The following ATXN7L1 variants were observed in gnomAD, a reference collection of about 807,000 sequenced individuals.
ATXN7L1 encodes ataxin-7-like protein 1.
Under a neutral mutation model 70.8 loss-of-function variants are expected in ATXN7L1, and 15 were observed. The observed-to-expected ratio is 0.21, with a 90% CI of 0.14 to 0.33. The LOEUF (loss-of-function observed/expected upper bound fraction) is 0.33. ATXN7L1 is among the 10% of genes least tolerant of loss of function. The pLI is 1.00. For synonymous variants in ATXN7L1, 440 were observed against 445.1 expected, an observed-to-expected ratio of 0.99 and a Z score of 0.14; for missense variants, 975 against 1,097.1, an observed-to-expected ratio of 0.89 and a Z score of 1.57.
chr7:105,620,297 T>G lies in ATXN7L1; in HGVS notation c.1420A>C (p.Met474Leu). ...TCAAACACATAGTACCCTCGTCCCATGAGGCGACTCCCAAATGAGCAAAAC... is the reference window on the plus strand; with the variant it reads ...TCAAACACATAGTACCCTCGTCCCAGGAGGCGACTCCCAAATGAGCAAAAC... ...LAFCSFGSRL[M>L]GRGYYVFDRR... Residue 474 changes from methionine to leucine, a missense_variant, in exon 9 of 12, where the codon ATG becomes CTG. By Grantham distance (15) the Met-to-Leu change is conservative. This residue lies in a region of ATXN7L1 where 635 missense variants were observed against 699.4 expected (regional missense o/e 0.91). Coordinates refer to ENST00000419735, the MANE Select transcript of ATXN7L1 (RefSeq NM_020725.2). The G allele has an allele frequency of 6.5e-7, 1 of 1,550,372 alleles. No individual in the cohort carries two copies. Among genetic ancestry groups the G allele is most frequent in the Non-Finnish European group, 8.7e-7 (1 of 1,146,578 alleles).
Position 105,876,416 on chromosome 7 carries a change from G to C in ATXN7L1, c.143C>G (p.Ser48Cys). 6.2e-7 allele frequency: 1 copy of C among 1,612,558 alleles called. No homozygotes were observed. The highest frequency in any genetic ancestry group is 8.5e-7 in the Non-Finnish European group (1 of 1,179,294). Residue 48 changes from serine (S) to cysteine (C), a missense_variant, in exon 1 of 12, where the codon TCC becomes TGC. This residue lies in a region of ATXN7L1 where 135 missense variants were observed against 132.6 expected (regional missense o/e 1.02). Transcript: ENST00000419735. ...SPEAFLGKPWSSWIDAAKLHC... is the reference protein window; with the variant it reads ...SPEAFLGKPWCSWIDAAKLHC... ...TAATTTGGCGGCGTCGATCCAGGAG[G>C]ACCAGGGTTTGCCCAGAAACGCCTC...
intron 3 of ATXN7L1, among the ~76,000 whole-genome samples, chr7:105,704,428 C>G (rs566545911): frequency 6.6e-6 from 1 of 152,184 alleles, no homozygotes; most frequent in East Asian, 1.9e-4. Context: ...CTGTTCTTTG[C>G]CCTGATTAAG....
Position 105,665,264 on chromosome 7 carries a change from C to G in ATXN7L1, c.380G>C (p.Arg127Thr), listed in dbSNP as rs1447602032. The G allele has an allele frequency of 2.6e-6, 4 of 1,551,382 alleles. No homozygotes were observed. Among genetic ancestry groups the G allele is most frequent in the Non-Finnish European group, 3.5e-6 (4 of 1,146,950 alleles). The change falls in exon 4 of 12, where the codon AGA becomes ACA. Residue 127 changes from arginine to threonine, a missense_variant. Coordinates refer to ENST00000419735, the MANE Select transcript of ATXN7L1 (RefSeq NM_020725.2). ...TGGAGACACTGGAGAGGGAGAAGGT[C>G]TACACATTGAACCGTGTCTTCTCTC... ...HCERRHGSMCRPSPSPVSPAS... is the reference protein window; with the variant it reads ...HCERRHGSMCTPSPSPVSPAS...
chr7:105,616,691 G>A (rs954438350), intron 9 of ATXN7L1, among the ~76,000 whole-genome samples: 14 of 152,332 alleles, frequency 9.2e-5, no homozygotes, highest in African/African-American at 3.1e-4. Flanking sequence ...CAGGAACTAT[G>A]CATGGTGGGC....
intron 2 of ATXN7L1, among the ~76,000 whole-genome samples, chr7:105,856,479 G>T (rs760320925): frequency 1.3e-5 from 2 of 151,674 alleles, no homozygotes; most frequent in Non-Finnish European, 2.9e-5. Context: ...CCAGATACTC[G>T]GGAGGCTGAG....
chr7:105,641,337 T>C (rs199590747), intron 5 of ATXN7L1, among the ~76,000 whole-genome samples: 3 of 149,076 alleles, frequency 2.0e-5, no homozygotes, highest in East Asian at 2.0e-4. Flanking sequence ...TGTTTTTTTT[T>C]TGGGTCTGTC....
At chr7:105,689,730 C>A (rs1790501221) in intron 3 of ATXN7L1, among the ~76,000 whole-genome samples, 1 of 152,224 alleles carries the variant, frequency 6.6e-6, no homozygotes, top group South Asian at 2.1e-4. Flanking sequence ...AGTCCCTTAG[C>A]ATCGTGTCAT....
At chr7:105,814,247 G>A (rs571658451) in intron 2 of ATXN7L1, among the ~76,000 whole-genome samples, 107 of 152,276 alleles carry the variant, frequency 7.0e-4, no homozygotes, top group Non-Finnish European at 1.4e-3. Flanking sequence ...ATGGCCCCCT[G>A]AAATTGACTT....
chr7:105,620,732 T>C (rs529005272), intron 8 of ATXN7L1, among the ~76,000 whole-genome samples: 1 of 151,952 alleles, frequency 6.6e-6, no homozygotes, highest in South Asian at 2.1e-4. Flanking sequence ...CCGTTTCTAC[T>C]AAAAATACAA....
At position 105,662,023 on chromosome 7, in the gene ATXN7L1, TTTCTTTCCTTCCTTCCTTCCTTCCTTCC is replaced by T. The variant is rs869232995; in HGVS notation, c.578+3015_578+3042del. On this transcript the variant is annotated intron_variant, in intron 4 of 11. Coordinates refer to ENST00000419735, the MANE Select transcript of ATXN7L1 (RefSeq NM_020725.2). ...TTAGATTCTTTCTTTTCTTTCTTTC[TTTCTTTCCTTCCTTCCTTCCTTCCTTCC>T]TTCCTTCCTTCCTTCCTTCCTTCCT... Among the ~76,000 whole-genome samples, 271 of 65,518 alleles carry T rather than the reference TTTCTTTCCTTCCTTCCTTCCTTCCTTCC, an allele frequency of 4.1e-3. 1 individual carries two copies. Among genetic ancestry groups the T allele is most frequent in the African/African-American group, 0.01 (232 of 22,170 alleles). 43.0% of individuals were successfully genotyped at this position (65,518 alleles called of 152,430 possible).
rs568648575 is a variant in ATXN7L1, at chr7:105,862,677, G to C, written c.250+13135C>G. ...GAGGGGACAGCACTGAGGAGGAAAG[G>C]ACTGTCAAGGACTCTTCTGGTCTGT... On this transcript the variant is annotated intron_variant, in intron 2 of 11. Transcript: ENST00000419735. Among the ~76,000 whole-genome samples, 4 of 152,314 alleles carry C rather than the reference G, an allele frequency of 2.6e-5. No homozygotes were observed. In the South Asian group the frequency reaches 6.2e-4, roughly 24 times the overall value.
chr7:105,748,390 G>A (rs879793729), intron 3 of ATXN7L1, among the ~76,000 whole-genome samples: 1 of 152,256 alleles, frequency 6.6e-6, no homozygotes. Flanking sequence ...AGTAGGTCCC[G>A]AGTTGCTCTA....
At chr7:105,669,206 T>C (rs1449394009) in intron 3 of ATXN7L1, among the ~76,000 whole-genome samples, 3 of 152,162 alleles carry the variant, frequency 2.0e-5, no homozygotes, top group Non-Finnish European at 4.4e-5. Flanking sequence ...CTCAGCCTCC[T>C]GAGTAGCTGC....
At chr7:105,678,429 C>T (rs562450196) in intron 3 of ATXN7L1, among the ~76,000 whole-genome samples, 7 of 152,256 alleles carry the variant, frequency 4.6e-5, no homozygotes, top group African/African-American at 1.4e-4. Flanking sequence ...CCCGTCAGTC[C>T]ACCTGTGGGC....
intron 3 of ATXN7L1, among the ~76,000 whole-genome samples, chr7:105,690,961 T>C (rs761468532): frequency 9.2e-5 from 14 of 152,212 alleles, no homozygotes; most frequent in South Asian, 4.1e-4. Flanking sequence ...AGATAAAGCA[T>C]GAGCCCATAT....
At position 105,876,458 on chromosome 7, in the gene ATXN7L1, C is replaced by T. The variant is rs866526596; in HGVS notation, c.101G>A (p.Arg34His). The T allele has an allele frequency of 6.2e-7, 1 of 1,613,744 alleles. No homozygotes were observed. Among genetic ancestry groups the T allele is most frequent in the African/African-American group, 1.3e-5 (1 of 74,896 alleles). The change falls in exon 1 of 12, where the codon CGC becomes CAC. Residue 34 changes from arginine to histidine, a missense_variant. Transcript: ENST00000419735. ...AAACGCCTCCGGACTGGGCACTTTGCGATCCAGTGTCGCCATTGCTCTTCC... is the reference window on the plus strand; with the variant it reads ...AAACGCCTCCGGACTGGGCACTTTGTGATCCAGTGTCGCCATTGCTCTTCC... The part of the protein sequence containing the change: ...QEGRAMATLD[R>H]KVPSPEAFLG...
At chr7:105,639,186 T>C (rs1280246666) in intron 6 of ATXN7L1, among the ~76,000 whole-genome samples, 3 of 152,150 alleles carry the variant, frequency 2.0e-5, no homozygotes, top group Non-Finnish European at 4.4e-5. Flanking sequence ...CCTGCATACA[T>C]TAAAACGTAG....
Position 105,867,490 on chromosome 7 carries a change from C to T in ATXN7L1, c.250+8322G>A, listed in dbSNP as rs189930259. 1.5e-3 allele frequency among the ~76,000 whole-genome samples: 233 copies of T among 152,288 alleles called. 1 individual carries two copies. Among genetic ancestry groups the T allele is most frequent in the Non-Finnish European group, 2.5e-3 (171 of 68,026 alleles). On this transcript the variant is annotated intron_variant, in intron 2 of 11. Transcript: ENST00000419735. Reference sequence around the variant, plus strand: ...AGGGTTGGGCCACCCAGAATTAGAACCTGCAACTCACTATTGTCACCAGTG... The same window carrying T: ...AGGGTTGGGCCACCCAGAATTAGAATCTGCAACTCACTATTGTCACCAGTG...
chr7:105,775,013 G>GA (rs970627549), intron 3 of ATXN7L1, among the ~76,000 whole-genome samples: 214 of 148,086 alleles, frequency 1.4e-3, no homozygotes, highest in African/African-American at 4.1e-3. Context: ...GCTTTCTCTG[G>GA]AAAAAAAAAA....
Sources: gnomAD v4.1 joint callset for allele counts (sites outside exome capture counted in the v4.1 genomes callset) on GRCh38, gnomAD v4.1.1 for gene constraint, gnomAD v4.1.1 regional missense constraint, MANE v1.5 for transcripts, NCBI Gene and HGNC (gene_info 2026-07-23, HGNC 2026-07-21) for gene names.